The following CCDC13 variants were observed in gnomAD, a reference collection of about 807,000 sequenced individuals.
CCDC13 encodes the protein coiled-coil domain containing 13, also known as coiled-coil domain-containing protein 13.
Under a neutral mutation model 87.3 loss-of-function variants are expected in CCDC13, and 70 were observed. That is an observed-to-expected ratio of 0.80 (90% CI 0.66 to 0.98). The LOEUF (loss-of-function observed/expected upper bound fraction) is 0.98. CCDC13 is among the 50% of genes least tolerant of loss of function. The pLI is 0.00. For missense variants in CCDC13, 842 were observed against 892.0 expected, an observed-to-expected ratio of 0.94 and a Z score of 0.71; for synonymous variants, 317 against 360.3, an observed-to-expected ratio of 0.88 and a Z score of 1.36.
At chr3:42,747,504 C>T (rs1699445900) in intron 5 of CCDC13, 131 bp from the exon 6 acceptor site, 1 of 684,986 alleles carries the variant, frequency 1.5e-6, no homozygotes, top group African/African-American at 1.8e-5. Flanking sequence ...TCATTTAATC[C>T]TCATAAACCC....
chr3:42,732,872 G>T lies in CCDC13; in HGVS notation c.1595+15C>A, dbSNP rs1041496756. ...GGGAAAAAACTGTGAGAGTCCGGGG[G>T]TCGGGGGTCCATACCTAGGTGAGGT... On this transcript the variant is annotated intron_variant, in intron 12 of 15. Transcript: ENST00000310232. 2 of 1,549,120 alleles carry T rather than the reference G, an allele frequency of 1.3e-6. No individual in the cohort carries two copies. The highest frequency in any genetic ancestry group is 1.7e-6 in the Non-Finnish European group (2 of 1,144,952).
At chr3:42,727,155 T>C (rs1432255287) in intron 13 of CCDC13, among the ~76,000 whole-genome samples, 1 of 152,142 alleles carries the variant, frequency 6.6e-6, no homozygotes, top group East Asian at 1.9e-4. Flanking sequence ...GCAGATCACC[T>C]GAGGTCAGGA....
chr3:42,753,196 G>T (rs1699627198), intron 3 of CCDC13, among the ~76,000 whole-genome samples: 1 of 152,158 alleles, frequency 6.6e-6, no homozygotes, highest in Admixed American at 6.5e-5. Flanking sequence ...AGTTAAATTC[G>T]CTGTGTTTGC....
intron 13 of CCDC13, among the ~76,000 whole-genome samples, chr3:42,725,901 G>T (rs1184161409): frequency 6.6e-6 from 1 of 152,078 alleles, no homozygotes; most frequent in South Asian, 2.1e-4. Flanking sequence ...GGGGAGAGCC[G>T]ACAGACATTA....
rs190129938 is a variant in CCDC13, at chr3:42,771,615, C to A, written c.-7+1561G>T. On this transcript the variant is annotated intron_variant, in intron 1 of 15. Coordinates refer to ENST00000310232, the MANE Select transcript of CCDC13 (RefSeq NM_144719.4). The stretch of plus-strand genomic sequence containing the variant: ...ACAAAAAATAAAAAAATTAGCTGGG[C>A]ATGGTGGCATGTGCCTGTGTTCCCA... Among the ~76,000 whole-genome samples, 904 of 152,202 alleles carry A rather than the reference C, an allele frequency of 5.9e-3. 30 individuals are homozygous for A. The highest frequency in any genetic ancestry group is 0.056 in the Admixed American group (859 of 15,292).
In CCDC13 at chr3:42,729,801, G is replaced by T. The variant is rs540097580; in HGVS notation, c.1718+666C>A. On this transcript the variant is annotated intron_variant, in intron 13 of 15. Transcript: ENST00000310232. ...GCTTTCTATTGTCTGTCATCAAAGA[G>T]CCTTGACTGATACATGATATAGCCT... Among the ~76,000 whole-genome samples, 5 of 152,340 alleles carry T rather than the reference G, an allele frequency of 3.3e-5. No individual in the cohort carries two copies. In the South Asian group the frequency reaches 1.0e-3, roughly 32 times the overall value.
intron 1 of CCDC13, among the ~76,000 whole-genome samples, chr3:42,768,326 T>A (rs1052136054): frequency 2.0e-5 from 3 of 152,180 alleles, no homozygotes. Context: ...AAAAGCATGA[T>A]ACATGAAACA....
Position 42,713,264 on chromosome 3 carries a change from C to T in CCDC13, c.1771G>A (p.Glu591Lys), listed in dbSNP as rs776838896. The part of the protein sequence containing the change: ...LLESERKLQE[E>K]RHRTVVLEQH... The stretch of plus-strand genomic sequence containing the variant: ...TCCAGCACCACGGTGCGGTGTCGCT[C>T]CTCCTGCAGCTTCCTCTCTGACTCC... The change falls in exon 14 of 16, where the codon GAG becomes AAG. Residue 591 changes from glutamate to lysine, a missense_variant. Transcript: ENST00000310232. The T allele has an allele frequency of 6.2e-6, 10 of 1,614,168 alleles. No individual in the cohort carries two copies. In the South Asian group the frequency reaches 1.1e-4, roughly 18 times the overall value.
intron 1 of CCDC13, among the ~76,000 whole-genome samples, chr3:42,772,331 G>C (rs1311826928): frequency 6.6e-6 from 1 of 151,110 alleles, no homozygotes; most frequent in Admixed American, 6.6e-5. Flanking sequence ...GAGCTGCATG[G>C]AAAGAACTCT....
chr3:42,757,379 T>C (rs1699727698), intron 2 of CCDC13, among the ~76,000 whole-genome samples, 165 bp from the exon 3 acceptor site: 1 of 151,956 alleles, frequency 6.6e-6, no homozygotes, highest in Non-Finnish European at 1.5e-5. Context: ...AAATAGGGAG[T>C]TATAAAAAAA....
At chr3:42,720,071 T>C (rs978305171) in intron 13 of CCDC13, among the ~76,000 whole-genome samples, 1 of 152,222 alleles carries the variant, frequency 6.6e-6, no homozygotes, top group African/African-American at 2.4e-5. Flanking sequence ...ATAAACTGCT[T>C]CTTTGACTTT....
intron 3 of CCDC13, among the ~76,000 whole-genome samples, chr3:42,755,668 T>C (rs1559659416): frequency 6.6e-6 from 1 of 152,216 alleles, no homozygotes; most frequent in African/African-American, 2.4e-5. Context: ...AACGTGAGAA[T>C]GAAAATCAGA....
intron 1 of CCDC13, among the ~76,000 whole-genome samples, chr3:42,765,086 A>C (rs1015818022): frequency 6.6e-6 from 1 of 152,196 alleles, no homozygotes; most frequent in East Asian, 1.9e-4. Context: ...TACTCATTGA[A>C]TGTACACTGT....
chr3:42,718,158 G>A (rs1698474735), intron 13 of CCDC13: 1 of 152,182 alleles, frequency 6.6e-6, no homozygotes, highest in South Asian at 2.1e-4. Flanking sequence ...GGATGAGATA[G>A]GAGGTCAGCA....
chr3:42,759,338 A>G (rs1559661796), intron 1 of CCDC13, among the ~76,000 whole-genome samples: 1 of 151,890 alleles, frequency 6.6e-6, no homozygotes, highest in Non-Finnish European at 1.5e-5. Context: ...TTTTATGTGT[A>G]CAAATGAGTT....
intron 1 of CCDC13, among the ~76,000 whole-genome samples, chr3:42,772,739 C>T (rs1189251956): frequency 2.6e-5 from 4 of 152,024 alleles, no homozygotes; most frequent in African/African-American, 9.7e-5. Context: ...TTGCGAGTCC[C>T]CAGTCCTGTG....
intron 7 of CCDC13, among the ~76,000 whole-genome samples, chr3:42,744,100 C>T (rs1699317257): frequency 6.6e-6 from 1 of 152,156 alleles, no homozygotes; most frequent in African/African-American, 2.4e-5. Context: ...AACTACAGTT[C>T]TAGCGGAAGG....
At chr3:42,713,768 T>G (rs1698366850) in intron 13 of CCDC13, among the ~76,000 whole-genome samples, 1 of 152,216 alleles carries the variant, frequency 6.6e-6, no homozygotes, top group Non-Finnish European at 1.5e-5. Flanking sequence ...TGATATTAGG[T>G]ATCAGTTTTC....
At chr3:42,743,118 AGTGT>A (rs1699273460) in intron 7 of CCDC13, 61 bp from the exon 8 acceptor site, 4 of 1,592,590 alleles carry the variant, frequency 2.5e-6, no homozygotes, top group Non-Finnish European at 3.4e-6. Flanking sequence ...TCTACTCAGA[AGTGT>A]GATAGGAGAC....
Sources: gnomAD v4.1 joint callset for allele counts (sites outside exome capture counted in the v4.1 genomes callset) on GRCh38, gnomAD v4.1.1 for gene constraint, MANE v1.5 for transcripts, NCBI Gene and HGNC (gene_info 2026-07-23, HGNC 2026-07-21) for gene names.